The following ATP8A2 variants were observed in gnomAD, a reference collection of about 807,000 sequenced individuals.
ATP8A2 encodes the protein ATPase phospholipid transporting 8A2.
In ATP8A2, 100 loss-of-function variants were observed where a neutral mutation model predicts 165.6. That is an observed-to-expected ratio of 0.60 (90% CI 0.51 to 0.71). ATP8A2 has a LOEUF of 0.71. Among genes scored for constraint, ATP8A2 ranks in the 30% least tolerant of loss-of-function variants. ATP8A2 has a pLI of 0.00. For missense variants in ATP8A2, 1,227 were observed against 1,479.5 expected (o/e 0.83, Z 2.80); for synonymous variants, 543 against 548.8 (o/e 0.99, Z 0.15).
intron 25 of ATP8A2, among the ~76,000 whole-genome samples, chr13:25,730,704 G>T (rs2043601964): frequency 6.6e-6 from 1 of 152,116 alleles, no homozygotes; most frequent in African/African-American, 2.4e-5. Flanking sequence ...TGCCCAGTTT[G>T]CTTATTCTGG....
chr13:25,375,997 C>T (rs116013619), intron 1 of ATP8A2, among the ~76,000 whole-genome samples: 151 of 152,234 alleles, frequency 9.9e-4, no homozygotes, highest in African/African-American at 3.5e-3. Context: ...CCAGAACAAC[C>T]TGCCCCAAGT....
At chr13:25,499,529 T>A (rs2036785295) in intron 2 of ATP8A2, among the ~76,000 whole-genome samples, 1 of 152,218 alleles carries the variant, frequency 6.6e-6, no homozygotes, top group Non-Finnish European at 1.5e-5. Context: ...TTTCCACCTC[T>A]GTAAGTTGGT....
At chr13:25,950,713 T>A (rs1015791662) in intron 33 of ATP8A2, 1 of 152,198 alleles carries the variant, frequency 6.6e-6, no homozygotes. Flanking sequence ...GTTTAACTAG[T>A]CAAGGGCAAG....
chr13:25,768,149 G>A (rs958975203), intron 25 of ATP8A2, among the ~76,000 whole-genome samples: 33 of 151,898 alleles, frequency 2.2e-4, no homozygotes, highest in African/African-American at 7.5e-4. Context: ...CGCAAATCAA[G>A]CATCAGCTTA....
At chr13:25,612,306 G>A (rs998357533) in intron 24 of ATP8A2, among the ~76,000 whole-genome samples, 81 of 152,148 alleles carry the variant, frequency 5.3e-4, no homozygotes, top group African/African-American at 1.7e-3. Context: ...TGCCTTTGTC[G>A]TATCCCAGAG....
chr13:25,886,248 C>T (rs1435238465), intron 33 of ATP8A2, among the ~76,000 whole-genome samples: 1 of 152,160 alleles, frequency 6.6e-6, no homozygotes, highest in Non-Finnish European at 1.5e-5. Flanking sequence ...CTGTCCCTCC[C>T]AAAAGAAAAG....
At chr13:25,763,997 C>T (rs1192778189) in intron 25 of ATP8A2, among the ~76,000 whole-genome samples, 1 of 151,932 alleles carries the variant, frequency 6.6e-6, no homozygotes, top group Admixed American at 6.6e-5. Flanking sequence ...TGACTGACTG[C>T]CATGAAAAAG....
At chr13:25,728,721 C>A (rs1442012196) in intron 25 of ATP8A2, among the ~76,000 whole-genome samples, 2 of 129,976 alleles carry the variant, frequency 1.5e-5, no homozygotes, top group Non-Finnish European at 3.4e-5. Flanking sequence ...ACAGGGCTGT[C>A]TGTGAACAGA....
At chr13:25,442,981 T>A (rs978145354) in intron 1 of ATP8A2, among the ~76,000 whole-genome samples, 11 of 152,222 alleles carry the variant, frequency 7.2e-5, no homozygotes, top group Admixed American at 2.0e-4. Flanking sequence ...AAATATTTTC[T>A]CTCATTCCGT....
At chr13:25,453,002 G>C (rs2035268928) in intron 1 of ATP8A2, among the ~76,000 whole-genome samples, 1 of 151,934 alleles carries the variant, frequency 6.6e-6, no homozygotes, top group Non-Finnish European at 1.5e-5. Flanking sequence ...GGCTGAGGCA[G>C]GAGAATCGCT....
rs572528741 is a variant in ATP8A2, at chr13:25,921,002, C to T, written c.3184-40573C>T. ...GGAGAATCTCCTGAGCCTGGGAGGT[C>T]GAGGCTGCAGTGAGCCAAGATCATG... is the stretch of plus-strand genomic sequence containing the variant. On this transcript the variant is annotated intron_variant, in intron 33 of 36. Transcript: ENST00000381655. 2.7e-3 allele frequency among the ~76,000 whole-genome samples: 406 copies of T among 152,070 alleles called. 3 individuals are homozygous for T. Among genetic ancestry groups the T allele is most frequent in the Non-Finnish European group, 4.8e-3 (329 of 67,962 alleles).
At chr13:25,402,334 C>T (rs2033664222) in intron 1 of ATP8A2, among the ~76,000 whole-genome samples, 1 of 152,150 alleles carries the variant, frequency 6.6e-6, no homozygotes. Context: ...AACGGTGGGT[C>T]AAGGCGGCTC....
At chr13:25,992,761 A>G (rs1388072809) in intron 35 of ATP8A2, among the ~76,000 whole-genome samples, 1 of 151,598 alleles carries the variant, frequency 6.6e-6, no homozygotes, top group Non-Finnish European at 1.5e-5. Context: ...ATATGTATAC[A>G]TGTGCCATGC....
chr13:25,636,311 G>T (rs2041366672), intron 24 of ATP8A2, among the ~76,000 whole-genome samples: 2 of 152,048 alleles, frequency 1.3e-5, no homozygotes, highest in South Asian at 4.2e-4. Context: ...AATATGAGTT[G>T]ACAGATTGTT....
chr13:25,433,807 A>T (rs957575253), intron 1 of ATP8A2, among the ~76,000 whole-genome samples: 8 of 152,234 alleles, frequency 5.3e-5, no homozygotes, highest in African/African-American at 1.9e-4. Flanking sequence ...ATAAAACAGA[A>T]TGAAATCATG....
At chr13:25,673,829 T>G (rs1052839493) in intron 24 of ATP8A2, among the ~76,000 whole-genome samples, 1 of 152,188 alleles carries the variant, frequency 6.6e-6, no homozygotes, top group Non-Finnish European at 1.5e-5. Context: ...TGGTCCTAGT[T>G]AGACTTGGCT....
chr13:25,611,922 G>A (rs2040698502), intron 24 of ATP8A2, among the ~76,000 whole-genome samples: 1 of 151,958 alleles, frequency 6.6e-6, no homozygotes, highest in Non-Finnish European at 1.5e-5. Flanking sequence ...GTTTATACAT[G>A]TAAAGGTGTT....
At position 25,530,646 on chromosome 13, in the gene ATP8A2, A is replaced by G. The variant is rs750734646; in HGVS notation, c.406A>G (p.Ile136Val). 6.3e-7 allele frequency: 1 copy of G among 1,581,612 alleles called. No individual in the cohort carries two copies. Among genetic ancestry groups the G allele is most frequent in the South Asian group, 1.1e-5 (1 of 87,552 alleles). Residue 136 changes from isoleucine to valine, a missense_variant, in exon 4 of 37, where the codon ATT becomes GTT. By Grantham distance (29) the Ile-to-Val change is conservative (BLOSUM62 3). Around this residue, in one of 5 missense-constraint regions of ATP8A2, gnomAD observed 356 missense variants for 394.9 expected, o/e 0.90. Transcript: ENST00000381655. ...TTTAACAATTGCAGGCATCAAAGAG[A>G]TTGTAGAAGATTTTGTAAGTTTTTG... ...IILTIAGIKE[I>V]VEDFKRHKAD...
At position 26,020,346 on chromosome 13, in the gene ATP8A2, G is replaced by A. The variant is rs562124335; in HGVS notation, c.*361G>A. On this transcript the variant is annotated 3_prime_UTR_variant, in exon 37 of 37. Coordinates refer to ENST00000381655, the MANE Select transcript of ATP8A2 (RefSeq NM_016529.6). ...GAAAGGGAAAGGAGTTTTATGTTGC[G>A]TGAGAGGCCCATCCTGTGTAATTGG... 2.2e-5 allele frequency: 5 copies of A among 226,574 alleles called. No homozygotes were observed. The highest frequency in any genetic ancestry group is 4.6e-5 in the African/African-American group (2 of 43,528). 14.0% of individuals were successfully genotyped at this position (226,574 alleles called of 1,614,324 possible). A position where few individuals can be genotyped will look rare whatever the true frequency, so the allele number is the denominator to read the frequency against.
Sources: allele counts gnomAD v4.1 joint callset (sites outside exome capture counted in the v4.1 genomes callset), GRCh38; gene constraint gnomAD v4.1.1; regional missense constraint gnomAD v4.1.1; transcripts MANE v1.5; gene names NCBI Gene and HGNC (gene_info 2026-07-23, HGNC 2026-07-21).